The following CYFIP2 variants were observed in gnomAD, a reference collection of about 807,000 sequenced individuals.
The protein encoded by CYFIP2 is cytoplasmic FMR1-interacting protein 2.
A neutral mutation model predicts 158.7 loss-of-function variants in CYFIP2; 29 were observed. The observed-to-expected ratio is 0.18, with a 90% CI of 0.14 to 0.25. The LOEUF (loss-of-function observed/expected upper bound fraction) is 0.25, where lower values mean the gene tolerates loss of function less well. CYFIP2 is among the 10% of genes least tolerant of loss of function. The probability of loss-of-function intolerance (pLI) is 1.00; values close to 1 mark genes in which losing one functional copy is unlikely to be tolerated. For missense variants in CYFIP2, 852 were observed against 1,639.5 expected (o/e 0.52, Z 8.29); for synonymous variants, 585 against 617.6 (o/e 0.95, Z 0.78).
chr5:157,375,514 G>C (rs1437687113), intron 26 of CYFIP2, among the ~76,000 whole-genome samples: 1 of 152,090 alleles, frequency 6.6e-6, no homozygotes, highest in Non-Finnish European at 1.5e-5. Context: ...CTCTATACTG[G>C]ATAGCTATGA....
intron 23 of CYFIP2, among the ~76,000 whole-genome samples, chr5:157,349,895 T>C (rs998961752): frequency 6.6e-6 from 1 of 152,254 alleles, no homozygotes; most frequent in Non-Finnish European, 1.5e-5. Context: ...TTTATGTTTG[T>C]TGGCCATTTG....
In CYFIP2 at chr5:157,309,753, T is replaced by C. The variant is rs1422678427; in HGVS notation, c.911T>C (p.Val304Ala). 1 of 1,604,608 alleles carries C rather than the reference T, an allele frequency of 6.2e-7. No homozygotes were observed. ...TTGCTTCCTTTGCAGCAGCTGCAGG[T>C]GGTGCCCCTTTTCGGCGACATGCAG... ...KIDKFFKQLQ[V>A]VPLFGDMQIE... is the part of the protein sequence containing the mutation. Residue 304 changes from valine to alanine, a missense_variant, in exon 10 of 31, where the codon GTG (valine) becomes GCG (alanine). By Grantham distance (64) the Val-to-Ala change is moderately conservative (BLOSUM62 0). Transcript: ENST00000620254.
chr5:157,290,288 A>G (rs1757715715), intron 3 of CYFIP2, among the ~76,000 whole-genome samples: 1 of 152,224 alleles, frequency 6.6e-6, no homozygotes, highest in Non-Finnish European at 1.5e-5. Flanking sequence ...GCAGGGCCGC[A>G]TTCCTTCTGC....
At chr5:157,370,942 G>C (rs1229420581) in intron 26 of CYFIP2, among the ~76,000 whole-genome samples, 1 of 152,184 alleles carries the variant, frequency 6.6e-6, no homozygotes, top group African/African-American at 2.4e-5. Context: ...ATCACACACA[G>C]AATCAGGTAA....
intron 22 of CYFIP2, 56 bp from the exon 23 acceptor site, chr5:157,341,014 A>T (rs1377379756): frequency 2.0e-6 from 3 of 1,522,880 alleles, no homozygotes; most frequent in South Asian, 1.1e-5. Flanking sequence ...TCTGTGTCCC[A>T]TGGAGAATAA....
intron 8 of CYFIP2, chr5:157,304,692 G>A (rs879673130): frequency 2.0e-5 from 4 of 198,144 alleles, no homozygotes; most frequent in African/African-American, 9.2e-5. Context: ...AGCAGTTTTT[G>A]TGCACATCTT....
intron 22 of CYFIP2, among the ~76,000 whole-genome samples, chr5:157,340,421 G>A (rs1762167287): frequency 6.6e-6 from 1 of 152,190 alleles, no homozygotes; most frequent in Non-Finnish European, 1.5e-5. Context: ...TCTTGAGCAG[G>A]GAGCAGCAAA....
intron 1 of CYFIP2, among the ~76,000 whole-genome samples, chr5:157,284,460 A>G (rs1048127631): frequency 6.6e-6 from 1 of 152,226 alleles, no homozygotes; most frequent in African/African-American, 2.4e-5. Context: ...TGTGACTTGT[A>G]GGCCATCATT....
chr5:157,337,705 G>A (rs1329982392), intron 21 of CYFIP2, among the ~76,000 whole-genome samples: 1 of 152,232 alleles, frequency 6.6e-6, no homozygotes, highest in Non-Finnish European at 1.5e-5. Context: ...GCTGCCTCCT[G>A]TGGACATATT....
At chr5:157,303,646 C>A (rs1216859083) in intron 7 of CYFIP2, among the ~76,000 whole-genome samples, 1 of 152,156 alleles carries the variant, frequency 6.6e-6, no homozygotes, top group Admixed American at 6.6e-5. Context: ...GTAACTGAGG[C>A]CTCAGGTTTT....
chr5:157,373,745 A>G (rs553229390), intron 26 of CYFIP2, among the ~76,000 whole-genome samples: 4 of 152,360 alleles, frequency 2.6e-5, no homozygotes, highest in African/African-American at 9.6e-5. Context: ...TTTAAAATAT[A>G]TGCTGAAATG....
intron 13 of CYFIP2, among the ~76,000 whole-genome samples, chr5:157,318,927 G>A (rs1760364608): frequency 6.6e-6 from 1 of 152,164 alleles, no homozygotes; most frequent in Non-Finnish European, 1.5e-5. Flanking sequence ...AGAGAATGTG[G>A]TTTTCACCCA....
In CYFIP2 at chr5:157,395,176, A is replaced by G. The variant is rs1022061587; in HGVS notation, c.*2176A>G. 9.2e-6 allele frequency: 2 copies of G among 218,546 alleles called. No individual in the cohort carries two copies. The highest frequency in any genetic ancestry group is 4.8e-5 in the African/African-American group (2 of 41,876). The allele number at this position is 218,546 out of a possible 1,614,324, so 13.5% of individuals were successfully genotyped here. On this transcript the variant is annotated 3_prime_UTR_variant, in exon 31 of 31. Coordinates refer to ENST00000620254, the MANE Select transcript of CYFIP2 (RefSeq NM_001037333.3). Reference sequence around the variant, plus strand: ...CCAGTAGACTGAGGTCTTCCCTTTCAGCAGAAAGATTTCATTTCCCTGGCT... The same window carrying G: ...CCAGTAGACTGAGGTCTTCCCTTTCGGCAGAAAGATTTCATTTCCCTGGCT...
intron 28 of CYFIP2, among the ~76,000 whole-genome samples, chr5:157,388,461 G>A (rs1766915560): frequency 6.6e-6 from 1 of 152,198 alleles, no homozygotes; most frequent in South Asian, 2.1e-4. Flanking sequence ...CTGTACAGAA[G>A]TATTTAAAGT....
intron 5 of CYFIP2, among the ~76,000 whole-genome samples, chr5:157,298,509 AT>A (rs34331931): frequency 0.74 from 106,285 of 143,484 alleles, 40,221 homozygotes; most frequent in Admixed American, 0.85. Context: ...CTACTTTTGT[AT>A]TTTTTTTTTT....
intron 7 of CYFIP2, among the ~76,000 whole-genome samples, chr5:157,303,297 A>C (rs1180418238): frequency 6.6e-6 from 1 of 152,116 alleles, no homozygotes; most frequent in Non-Finnish European, 1.5e-5. Flanking sequence ...ATCTCATAGG[A>C]CTGTTGTGAG....
At chr5:157,323,748 T>C (rs1760794396) in intron 15 of CYFIP2, among the ~76,000 whole-genome samples, 173 bp from the exon 16 acceptor site, 1 of 152,210 alleles carries the variant, frequency 6.6e-6, no homozygotes, top group African/African-American at 2.4e-5. Flanking sequence ...ATGAAGGTTT[T>C]CACAGTTCCA....
rs1391255021 is a variant in CYFIP2 at position 157,294,869 on chromosome 5, G to A, written c.285+9G>A. ...CCCGGGCCATTCCCCAGGTGAGACT[G>A]TCCTTGTTGTGTGTCTCTTTCCCCT... On this transcript the variant is annotated intron_variant, in intron 4 of 30. Coordinates refer to ENST00000620254, the MANE Select transcript of CYFIP2 (RefSeq NM_001037333.3). The A allele has an allele frequency of 2.5e-6, 4 of 1,610,698 alleles. No individual in the cohort carries two copies. Among genetic ancestry groups the A allele is most frequent in the African/African-American group, 1.3e-5 (1 of 74,868 alleles).
chr5:157,282,839 A>T (rs1238589192), intron 1 of CYFIP2, among the ~76,000 whole-genome samples: 1 of 152,140 alleles, frequency 6.6e-6, no homozygotes, highest in Non-Finnish European at 1.5e-5. Flanking sequence ...TTTCATCTGG[A>T]TTTTCCTTAT....
Sources: gnomAD v4.1 joint callset for allele counts (sites outside exome capture counted in the v4.1 genomes callset) on GRCh38, gnomAD v4.1.1 for gene constraint, MANE v1.5 for transcripts, NCBI Gene and HGNC (gene_info 2026-07-23, HGNC 2026-07-21) for gene names.